RIMS1: variants seen among roughly 807,000 people sequenced by gnomAD.
RIMS1 encodes the protein regulating synaptic membrane exocytosis 1.
In RIMS1, 83 loss-of-function variants were observed where a neutral mutation model predicts 214.1. The ratio of observed to expected loss-of-function variants is 0.39; its 90% CI spans 0.32 to 0.47. The LOEUF is 0.47. Among genes scored for constraint, RIMS1 ranks in the 20% least tolerant of loss-of-function variants. RIMS1 has a pLI of 0.99. For synonymous variants in RIMS1, 793 were observed against 786.8 expected (o/e 1.01, Z -0.13); for missense variants, 2,050 against 2,161.8 (o/e 0.95, Z 1.03).
chr6:72,151,974 G>A (rs1003746604), intron 4 of RIMS1, among the ~76,000 whole-genome samples: 2 of 152,026 alleles, frequency 1.3e-5, no homozygotes, highest in Non-Finnish European at 2.9e-5. Flanking sequence ...AGAGAGATGG[G>A]GGAGGTGCAA....
chr6:72,346,298 C>G (rs925123993), intron 29 of RIMS1, among the ~76,000 whole-genome samples: 4 of 151,716 alleles, frequency 2.6e-5, no homozygotes, highest in Non-Finnish European at 4.4e-5. Context: ...TTAGATTAAT[C>G]CAGCTAATAT....
At chr6:72,355,921 G>C (rs146806219) in intron 29 of RIMS1, among the ~76,000 whole-genome samples, 1 of 152,164 alleles carries the variant, frequency 6.6e-6, no homozygotes. Context: ...GACTCCCACT[G>C]TTCTCAGAAG....
chr6:72,192,815 C>T (rs1263791993), intron 6 of RIMS1, among the ~76,000 whole-genome samples: 3 of 152,122 alleles, frequency 2.0e-5, no homozygotes, highest in Admixed American at 6.6e-5. Context: ...TTTTCATGTT[C>T]TTCTACCTGC....
intron 1 of RIMS1, among the ~76,000 whole-genome samples, chr6:71,899,618 T>C (rs2150435538): frequency 6.6e-6 from 1 of 152,240 alleles, no homozygotes; most frequent in Middle Eastern, 3.4e-3. Context: ...TAATTCTATC[T>C]AATTTACCAG....
chr6:72,111,954 G>T (rs1334943280), intron 4 of RIMS1, among the ~76,000 whole-genome samples: 3 of 152,118 alleles, frequency 2.0e-5, no homozygotes, highest in Non-Finnish European at 4.4e-5. Context: ...AGTAAACAGT[G>T]AGGAGACCAC....
intron 2 of RIMS1, among the ~76,000 whole-genome samples, chr6:72,000,742 G>A (rs1745706123): frequency 6.6e-6 from 1 of 152,026 alleles, no homozygotes; most frequent in South Asian, 2.1e-4. Context: ...TATGTTTATT[G>A]TCATCAGACT....
chr6:72,395,996 A>C (rs976368468), intron 31 of RIMS1, among the ~76,000 whole-genome samples: 1 of 151,890 alleles, frequency 6.6e-6, no homozygotes, highest in Non-Finnish European at 1.5e-5. Flanking sequence ...AAATATAGTC[A>C]TACTTTCCAG....
At position 72,080,294 on chromosome 6, in the gene RIMS1, A is replaced by G. The variant is rs927984798; in HGVS notation, c.246-16655A>G. ...TAAAATAAAATACAAAACAAAGTACATAACAGTCATGAACATAAAATGTGC... is the reference window on the plus strand; with the variant it reads ...TAAAATAAAATACAAAACAAAGTACGTAACAGTCATGAACATAAAATGTGC... On this transcript the variant is annotated intron_variant, in intron 2 of 33. Transcript: ENST00000521978. Among the ~76,000 whole-genome samples the G allele has an allele frequency of 3.9e-5, 6 of 151,926 alleles. No homozygotes were observed. The East Asian group carries it at 7.7e-4, about 20-fold the overall frequency.
chr6:71,896,977 T>A (rs151295527), intron 1 of RIMS1, among the ~76,000 whole-genome samples: 19 of 152,322 alleles, frequency 1.2e-4, no homozygotes, highest in African/African-American at 4.3e-4. Context: ...ATTCATGTCC[T>A]TAGCCACCTG....
At chr6:72,327,436 TTC>T (rs2096516701) in intron 28 of RIMS1, among the ~76,000 whole-genome samples, 1 of 151,854 alleles carries the variant, frequency 6.6e-6, no homozygotes, top group African/African-American at 2.4e-5. Context: ...TTTGTTTTGT[TTC>T]CATCCACTTT....
At chr6:71,918,016 T>C (rs1186781552) in intron 1 of RIMS1, among the ~76,000 whole-genome samples, 1 of 152,106 alleles carries the variant, frequency 6.6e-6, no homozygotes, top group Non-Finnish European at 1.5e-5. Flanking sequence ...TGATTAGCTA[T>C]GCAGTTGGAG....
At chr6:72,300,032 T>G (rs1394348868) in intron 26 of RIMS1, among the ~76,000 whole-genome samples, 1 of 151,838 alleles carries the variant, frequency 6.6e-6, no homozygotes, top group East Asian at 1.9e-4. Context: ...TAATGAATAT[T>G]TACTCATAAA....
chr6:72,125,793 C>A (rs2039393648), intron 4 of RIMS1, among the ~76,000 whole-genome samples: 1 of 152,334 alleles, frequency 6.6e-6, no homozygotes, highest in Non-Finnish European at 1.5e-5. Context: ...ACCCACCAAG[C>A]CAGGTGTGGG....
chr6:72,274,880 A>G (rs953366578), intron 23 of RIMS1, among the ~76,000 whole-genome samples: 1 of 151,948 alleles, frequency 6.6e-6, no homozygotes, highest in African/African-American at 2.4e-5. Flanking sequence ...CTTTGATTAT[A>G]TTAAATAATG....
rs749913369 is a variant in RIMS1 at position 72,250,414 on chromosome 6, C to T, written c.2326C>T (p.Arg776Cys). The change falls in exon 13 of 34, where the codon CGT becomes TGT. Residue 776 changes from arginine to cysteine, a missense_variant. Physicochemically the swap from Arg to Cys is radical, Grantham distance 180 (BLOSUM62 -3). Around this residue, in one of 6 missense-constraint regions of RIMS1, gnomAD observed 889 missense variants for 885.5 expected, o/e 1.00. Transcript: ENST00000521978. The part of the protein sequence containing the change: ...ATDLPARVDG[R>C]PRNPYVKMYF... ...AGATCTACCTGCTAGAGTAGATGGA[C>T]GTCCTCGAAATCCCTATGTAAAAAT... The T allele has an allele frequency of 4.2e-5, 68 of 1,604,486 alleles. No individual in the cohort carries two copies. The highest frequency in any genetic ancestry group is 5.3e-5 in the Non-Finnish European group (62 of 1,173,286).
chr6:72,393,507 G>A (rs1181620999), intron 31 of RIMS1, among the ~76,000 whole-genome samples: 8 of 151,990 alleles, frequency 5.3e-5, no homozygotes, highest in African/African-American at 9.7e-5. Context: ...GGCGGATCAC[G>A]AGGTCAGGAG....
intron 2 of RIMS1, among the ~76,000 whole-genome samples, chr6:71,995,348 G>A (rs1177320609): frequency 6.6e-6 from 1 of 152,046 alleles, no homozygotes; most frequent in African/African-American, 2.4e-5. Flanking sequence ...TACTCTTGAG[G>A]ATAAGTAAAT....
At position 72,223,777 on chromosome 6, in the gene RIMS1, C is replaced by T. The variant is rs547079823; in HGVS notation, c.1679-9996C>T. Among the ~76,000 whole-genome samples the T allele has an allele frequency of 2.9e-4, 44 of 151,936 alleles. 1 individual carries two copies. In the South Asian group the frequency reaches 8.8e-3, roughly 30 times the overall value. ...CCTGGCTAACACGGTGAAACTCTGT[C>T]TATACTAAAAATACAAAAAAATTAG... On this transcript the variant is annotated intron_variant, in intron 6 of 33. Coordinates refer to ENST00000521978, the MANE Select transcript of RIMS1 (RefSeq NM_014989.7).
chr6:71,949,581 C>A (rs1328525674), intron 1 of RIMS1, among the ~76,000 whole-genome samples: 1 of 152,120 alleles, frequency 6.6e-6, no homozygotes, highest in African/African-American at 2.4e-5. Context: ...ACCCTCTTCA[C>A]AGACATATAG....
Sources: gnomAD v4.1 joint callset for allele counts (sites outside exome capture counted in the v4.1 genomes callset) on GRCh38, gnomAD v4.1.1 for gene constraint, gnomAD v4.1.1 regional missense constraint, MANE v1.5 for transcripts, NCBI Gene and HGNC (gene_info 2026-07-23, HGNC 2026-07-21) for gene names.